Variants in LTBP1 observed in about 807,000 individuals in gnomAD.
LTBP1 encodes the protein latent transforming growth factor beta binding protein 1.
In LTBP1, 129 loss-of-function variants were observed where a neutral mutation model predicts 207.6. The observed-to-expected ratio is 0.62, with a 90% CI of 0.54 to 0.72. The LOEUF is 0.72. Among genes scored for constraint, LTBP1 ranks in the 30% least tolerant of loss-of-function variants. The probability of loss-of-function intolerance (pLI) is 0.00; values close to 1 mark genes in which losing one functional copy is unlikely to be tolerated. For missense variants in LTBP1, 2,281 were observed against 2,217.2 expected (o/e 1.03, Z -0.58); for synonymous variants, 963 against 833.7 (o/e 1.16, Z -2.67).
At chr2:32,949,193 T>G (rs1676738117) in intron 2 of LTBP1, among the ~76,000 whole-genome samples, 1 of 152,224 alleles carries the variant, frequency 6.6e-6, no homozygotes, top group Admixed American at 6.5e-5. Flanking sequence ...AACAGAGATA[T>G]TCATCATTCT....
chr2:33,341,794 A>G (rs1294184073), intron 24 of LTBP1, among the ~76,000 whole-genome samples: 2 of 150,028 alleles, frequency 1.3e-5, no homozygotes, highest in Admixed American at 6.6e-5. Context: ...CAATTTTATT[A>G]ATAGTAACTC....
In LTBP1 at chr2:33,129,993, G is replaced by A. The variant is rs78247389; in HGVS notation, c.1034-4800G>A. ...TTTGATATTAATTTTTATTTACATAGCACCTTTCTTGAGGAACACAGAGCA... is the reference window on the plus strand; with the variant it reads ...TTTGATATTAATTTTTATTTACATAACACCTTTCTTGAGGAACACAGAGCA... On this transcript the variant is annotated intron_variant, in intron 4 of 33. Coordinates refer to ENST00000404816, the MANE Select transcript of LTBP1 (RefSeq NM_206943.4). Among the ~76,000 whole-genome samples the A allele has an allele frequency of 2.5e-3, 387 of 152,276 alleles. 1 individual carries two copies. Among genetic ancestry groups the A allele is most frequent in the African/African-American group, 8.9e-3 (370 of 41,552 alleles).
intron 24 of LTBP1, among the ~76,000 whole-genome samples, chr2:33,329,214 A>G (rs1476340350): frequency 6.6e-6 from 1 of 152,154 alleles, no homozygotes; most frequent in Non-Finnish European, 1.5e-5. Flanking sequence ...TACTGAGTAA[A>G]GGTATCTCAT....
rs1313764282 is a variant in LTBP1 at position 33,117,198 on chromosome 2, C to T, written c.1033+6447C>T. Among the ~76,000 whole-genome samples, 4 of 152,218 alleles carry T rather than the reference C, an allele frequency of 2.6e-5. No individual in the cohort carries two copies. The East Asian group carries it at 7.7e-4, about 29-fold the overall frequency. On this transcript the variant is annotated intron_variant, in intron 4 of 33. Transcript: ENST00000404816. The stretch of plus-strand genomic sequence containing the variant: ...CTGAATCCCAGTTCTGGCCTGATCG[C>T]AGTCCATAGTTCCACACTAAGAGAA...
intron 3 of LTBP1, 55 bp downstream of exon 3, chr2:33,021,261 T>C (rs1484643909): frequency 2.0e-6 from 3 of 1,480,696 alleles, no homozygotes; most frequent in South Asian, 2.8e-5. Context: ...CTCTCTTGGA[T>C]GCCTTGCTTT....
chr2:33,379,574 G>A (rs2095189141), intron 31 of LTBP1, among the ~76,000 whole-genome samples: 1 of 152,202 alleles, frequency 6.6e-6, no homozygotes, highest in South Asian at 2.1e-4. Context: ...ATCACTGCCA[G>A]AGGCAGAAGT....
intron 31 of LTBP1, among the ~76,000 whole-genome samples, chr2:33,381,009 C>G (rs1385257142): frequency 2.6e-5 from 4 of 152,142 alleles, no homozygotes; most frequent in Non-Finnish European, 5.9e-5. Flanking sequence ...GTTTACCTGT[C>G]CTTGCAGCTG....
At chr2:33,323,390 A>T (rs1474793821) in intron 24 of LTBP1, among the ~76,000 whole-genome samples, 1 of 152,194 alleles carries the variant, frequency 6.6e-6, no homozygotes, top group Non-Finnish European at 1.5e-5. Flanking sequence ...TAATCCCAGC[A>T]CTTTGGGAGG....
chr2:32,998,466 A>G (rs920034755), intron 2 of LTBP1, among the ~76,000 whole-genome samples: 1 of 137,266 alleles, frequency 7.3e-6, no homozygotes, highest in African/African-American at 2.7e-5. Flanking sequence ...CAATGAGCCA[A>G]GATCGCCACT....
chr2:33,129,814 T>G (rs902377630), intron 4 of LTBP1, among the ~76,000 whole-genome samples: 4 of 152,184 alleles, frequency 2.6e-5, no homozygotes, highest in African/African-American at 9.7e-5. Context: ...GCCTCTTTCT[T>G]TAGTTACTCC....
intron 5 of LTBP1, 100 bp downstream of exon 5, chr2:33,135,060 T>C: frequency 8.3e-7 from 1 of 1,210,814 alleles, no homozygotes; most frequent in South Asian, 1.6e-5. Context: ...TCTGCTTCAA[T>C]GGGTGTCTGT....
intron 26 of LTBP1, among the ~76,000 whole-genome samples, chr2:33,352,196 A>T (rs1247819566): frequency 6.6e-6 from 1 of 151,836 alleles, no homozygotes; most frequent in East Asian, 1.9e-4. Context: ...CAGTGGCGTG[A>T]TCTTGGCTCA....
intron 4 of LTBP1, among the ~76,000 whole-genome samples, chr2:33,124,531 T>C (rs1004841353): frequency 4.6e-5 from 7 of 152,238 alleles, no homozygotes; most frequent in Admixed American, 2.6e-4. Flanking sequence ...TATGTGGAAA[T>C]TATGGTGGAA....
chr2:33,223,460 A>G (rs973105552), intron 9 of LTBP1, among the ~76,000 whole-genome samples: 5 of 152,210 alleles, frequency 3.3e-5, no homozygotes, highest in Admixed American at 3.3e-4. Context: ...ATTTTGAGAA[A>G]CATCTGCTAA....
chr2:33,281,672 G>A (rs1454717680), intron 19 of LTBP1, among the ~76,000 whole-genome samples: 1 of 152,098 alleles, frequency 6.6e-6, no homozygotes, highest in Non-Finnish European at 1.5e-5. Flanking sequence ...GAGCCCCTAG[G>A]CCCATCCCCA....
intron 23 of LTBP1, 23 bp downstream of exon 23, chr2:33,309,579 C>T (rs774659836): frequency 1.3e-6 from 2 of 1,598,256 alleles, no homozygotes; most frequent in South Asian, 1.1e-5. Context: ...CTTTTTTCCC[C>T]AGTCATTATT....
chr2:33,070,379 C>T (rs905200882), intron 3 of LTBP1, among the ~76,000 whole-genome samples: 2 of 152,202 alleles, frequency 1.3e-5, no homozygotes, highest in Non-Finnish European at 2.9e-5. Context: ...TCTGGGATGG[C>T]GAAACCTCTG....
chr2:33,181,035 A>G (rs906054707), intron 5 of LTBP1, among the ~76,000 whole-genome samples: 2 of 152,190 alleles, frequency 1.3e-5, no homozygotes, highest in Admixed American at 1.3e-4. Flanking sequence ...GTTTTCCTTC[A>G]GATGGAGGTT....
At chr2:33,183,729 G>C (rs911889054) in intron 5 of LTBP1, among the ~76,000 whole-genome samples, 3 of 152,220 alleles carry the variant, frequency 2.0e-5, no homozygotes, top group African/African-American at 7.2e-5. Flanking sequence ...AGCCTGTCCA[G>C]TGTAGCCAAA....
Sources: gnomAD v4.1 joint callset for allele counts (sites outside exome capture counted in the v4.1 genomes callset) on GRCh38, gnomAD v4.1.1 for gene constraint, MANE v1.5 for transcripts, NCBI Gene and HGNC (gene_info 2026-07-23, HGNC 2026-07-21) for gene names.